The following FNIP1 variants were observed in gnomAD, a reference collection of about 807,000 sequenced individuals.
The protein encoded by FNIP1 is folliculin interacting protein 1.
A neutral mutation model predicts 124.5 loss-of-function variants in FNIP1; 40 were observed. The ratio of observed to expected loss-of-function variants is 0.32; its 90% CI spans 0.25 to 0.42. The LOEUF is 0.42. Ranked by LOEUF, FNIP1 falls within the 10% of genes least tolerant of loss-of-function variation. The pLI, the probability that FNIP1 is intolerant of heterozygous loss-of-function variation, is 1.00. For synonymous variants in FNIP1, 472 were observed against 470.6 expected, an observed-to-expected ratio of 1.00 and a Z score of -0.04; for missense variants, 1,176 against 1,403.7, an observed-to-expected ratio of 0.84 and a Z score of 2.59.
chr5:131,717,212 C>T (rs1053865853), intron 5 of FNIP1, among the ~76,000 whole-genome samples: 1 of 151,524 alleles, frequency 6.6e-6, no homozygotes, highest in African/African-American at 2.4e-5. Context: ...TGTTCAACTC[C>T]CATCTATGAG....
chr5:131,690,162 G>A (rs990114499), intron 11 of FNIP1, among the ~76,000 whole-genome samples: 3 of 152,070 alleles, frequency 2.0e-5, no homozygotes, highest in African/African-American at 7.2e-5. Flanking sequence ...GGCGGAGCTT[G>A]CAGTGAGCCA....
In FNIP1 at chr5:131,644,670, C is replaced by G; in HGVS notation, c.*15G>C. 1 of 1,610,564 alleles carries G rather than the reference C, an allele frequency of 6.2e-7. No individual in the cohort carries two copies. The highest frequency in any genetic ancestry group is 1.3e-5 in the African/African-American group (1 of 74,952). ...TACCTATTTTCCCACCAATTTCTAA[C>G]AATTTTTAGGTATATTAAAGGAGTA... is the stretch of plus-strand genomic sequence containing the variant. On this transcript the variant is annotated 3_prime_UTR_variant, in exon 18 of 18. Coordinates refer to ENST00000510461, the MANE Select transcript of FNIP1 (RefSeq NM_133372.3).
At chr5:131,783,307 T>C (rs933728341) in intron 1 of FNIP1, among the ~76,000 whole-genome samples, 1 of 151,774 alleles carries the variant, frequency 6.6e-6, no homozygotes, top group Non-Finnish European at 1.5e-5. Flanking sequence ...AAGAGAATTA[T>C]GAAAAGGAAT....
intron 3 of FNIP1, among the ~76,000 whole-genome samples, 169 bp downstream of exon 3, chr5:131,730,730 CCTATT>C (rs1770055000): frequency 6.6e-6 from 1 of 152,186 alleles, no homozygotes; most frequent in Non-Finnish European, 1.5e-5. Context: ...TTCTACTTCT[CCTATT>C]CTAAGATTTA....
At chr5:131,668,775 C>T (rs775709487) in intron 15 of FNIP1, among the ~76,000 whole-genome samples, 2 of 152,192 alleles carry the variant, frequency 1.3e-5, no homozygotes, top group African/African-American at 4.8e-5. Flanking sequence ...CTCAACTCTG[C>T]TGTTAGGCAT....
intron 3 of FNIP1, among the ~76,000 whole-genome samples, chr5:131,722,231 C>T (rs906141030): frequency 6.6e-6 from 1 of 152,152 alleles, no homozygotes; most frequent in Non-Finnish European, 1.5e-5. Context: ...CAAGTACACA[C>T]TAACTCTAAG....
chr5:131,727,701 T>G (rs559283772), intron 3 of FNIP1, among the ~76,000 whole-genome samples: 78 of 152,250 alleles, frequency 5.1e-4, no homozygotes, highest in Non-Finnish European at 9.0e-4. Context: ...TTGTTATGTG[T>G]GGATTTGATC....
chr5:131,740,473 G>T (rs1421624179), intron 2 of FNIP1, among the ~76,000 whole-genome samples: 1 of 152,196 alleles, frequency 6.6e-6, no homozygotes, highest in Non-Finnish European at 1.5e-5. Flanking sequence ...TTTAGAATCA[G>T]TGAAAGCTGA....
intron 3 of FNIP1, among the ~76,000 whole-genome samples, chr5:131,721,493 A>T (rs925909603): frequency 7.0e-6 from 1 of 142,944 alleles, no homozygotes; most frequent in African/African-American, 2.6e-5. Context: ...TCTTCCCACA[A>T]TTTTTTTTTT....
At chr5:131,776,472 GA>G (rs1368971634) in intron 1 of FNIP1, among the ~76,000 whole-genome samples, 2 of 152,026 alleles carry the variant, frequency 1.3e-5, no homozygotes, top group Admixed American at 6.6e-5. Context: ...TCAAAAATTG[GA>G]AATAACCCTT....
At position 131,672,156 on chromosome 5, in the gene FNIP1, G is replaced by C; in HGVS notation, c.2288C>G (p.Ser763Ter). The C allele has an allele frequency of 6.2e-7, 1 of 1,614,174 alleles. No homozygotes were observed. The highest frequency in any genetic ancestry group is 8.5e-7 in the Non-Finnish European group (1 of 1,180,034). ...FLIGDSMSPD[S>*]DTELRSQAVV... The stretch of plus-strand genomic sequence containing the variant: ...TGCCTGACTTCGAAGCTCAGTATCT[G>C]AATCAGGTGACATAGAATCCCCAAT... Residue 763 changes from serine to a stop codon, truncating the protein, a stop_gained, in exon 14 of 18, where the codon TCA becomes TGA. Transcript: ENST00000510461. LOFTEE classifies it high-confidence loss of function.
intron 15 of FNIP1, among the ~76,000 whole-genome samples, chr5:131,657,180 T>A (rs1484338531): frequency 2.0e-5 from 3 of 152,124 alleles, no homozygotes; most frequent in African/African-American, 4.8e-5. Context: ...ATTTGTGTAT[T>A]TTTAGTAGAG....
intron 11 of FNIP1, among the ~76,000 whole-genome samples, chr5:131,679,924 G>C (rs1768026512): frequency 6.6e-6 from 1 of 152,148 alleles, no homozygotes; most frequent in African/African-American, 2.4e-5. Context: ...ACATTTACTA[G>C]ACTAAGCAAC....
At chr5:131,731,672 A>G (rs1561679140) in intron 2 of FNIP1, among the ~76,000 whole-genome samples, 1 of 151,928 alleles carries the variant, frequency 6.6e-6, no homozygotes, top group African/African-American at 2.4e-5. Flanking sequence ...ACCCAAACAA[A>G]CAAAACAACC....
At chr5:131,737,690 A>T (rs1770361009) in intron 2 of FNIP1, among the ~76,000 whole-genome samples, 1 of 152,214 alleles carries the variant, frequency 6.6e-6, no homozygotes, top group African/African-American at 2.4e-5. Context: ...TACTCTTTAC[A>T]TGTAAAGATA....
chr5:131,727,543 T>C (rs1443764138), intron 3 of FNIP1, among the ~76,000 whole-genome samples: 4 of 152,182 alleles, frequency 2.6e-5, no homozygotes, highest in African/African-American at 7.2e-5. Flanking sequence ...AATATTCCTC[T>C]ATCCTTTTAT....
Position 131,717,395 on chromosome 5 carries a change from C to T in FNIP1, c.531-739G>A, listed in dbSNP as rs541504789. On this transcript the variant is annotated intron_variant, in intron 5 of 17. Transcript: ENST00000510461. ...CTTAATCCAGTCTATCACTGTTGGA[C>T]ATTTGGGTTGGTTCCAAGTCTTTGC... Among the ~76,000 whole-genome samples the T allele has an allele frequency of 1.8e-4, 28 of 152,256 alleles. No homozygotes were observed. In the East Asian group the frequency reaches 5.4e-3, roughly 29 times the overall value.
chr5:131,672,848 G>T lies in FNIP1; in HGVS notation c.1596C>A (p.Val532=). 6.2e-7 allele frequency: 1 copy of T among 1,609,780 alleles called. No individual in the cohort carries two copies. The highest frequency in any genetic ancestry group is 8.5e-7 in the Non-Finnish European group (1 of 1,178,332). ...TVVVGKRQDM[V]QRLLYFLTYF... is the part of the protein sequence containing the mutation. ...AAGTAAGAAAATAAAGTAGCCTCTG[G>T]ACCATGTCTTGTCGTTTGCCAACTA... Residue 532 remains valine (V), a synonymous_variant, in exon 14 of 18, where the codon GTC becomes GTA. Coordinates refer to ENST00000510461, the MANE Select transcript of FNIP1 (RefSeq NM_133372.3).
In FNIP1 at chr5:131,679,077, C is replaced by G. The variant is rs752619378; in HGVS notation, c.1301G>C (p.Arg434Pro). 6.2e-7 allele frequency: 1 copy of G among 1,612,602 alleles called. No individual in the cohort carries two copies. ...GTPEKNHLCY[R>P]FMKEFTFLME... ...TAGAAAGGTGAACTCCTTCATGAAA[C>G]GATAGCAAAGGTGGTTCTTTTCTGG... Residue 434 changes from arginine (R) to proline (P), a missense_variant, in exon 12 of 18, where the codon CGT (arginine) becomes CCT (proline). Around this residue, in one of 2 missense-constraint regions of FNIP1, gnomAD observed 1,109 missense variants for 1,288.5 expected, o/e 0.86. Coordinates refer to ENST00000510461, the MANE Select transcript of FNIP1 (RefSeq NM_133372.3).
Sources: gnomAD v4.1 joint callset for allele counts (sites outside exome capture counted in the v4.1 genomes callset) on GRCh38, gnomAD v4.1.1 for gene constraint, gnomAD v4.1.1 regional missense constraint, MANE v1.5 for transcripts, NCBI Gene and HGNC (gene_info 2026-07-23, HGNC 2026-07-21) for gene names.